IL1RAPL1: variants seen among roughly 807,000 people sequenced by gnomAD.
IL1RAPL1 encodes the protein interleukin 1 receptor accessory protein like 1.
A neutral mutation model predicts 48.4 loss-of-function variants in IL1RAPL1; 3 were observed. The ratio of observed to expected loss-of-function variants is 0.06; its 90% CI spans 0.03 to 0.16. The LOEUF (loss-of-function observed/expected upper bound fraction) is 0.16. Ranked by LOEUF, IL1RAPL1 falls within the 10% of genes least tolerant of loss-of-function variation. The pLI is 1.00. For synonymous variants in IL1RAPL1, 185 were observed against 187.7 expected, an observed-to-expected ratio of 0.99 and a Z score of 0.12; for missense variants, 349 against 530.6, an observed-to-expected ratio of 0.66 and a Z score of 3.36.
chrX:29,221,133 GTA>G (rs1930966587), intron 2 of IL1RAPL1, among the ~76,000 whole-genome samples: 1 of 111,366 alleles, frequency 9.0e-6, no homozygotes, highest in Admixed American at 9.6e-5. Flanking sequence ...CGGCCTTAGT[GTA>G]TATCTGTTTC....
At chrX:28,591,082 A>G (rs1342618890) in intron 1 of IL1RAPL1, among the ~76,000 whole-genome samples, 3 of 112,073 alleles carry the variant, frequency 2.7e-5, no homozygotes, top group Admixed American at 9.5e-5. Context: ...GCAGTGGGTA[A>G]TTTGAAATGT....
intron 2 of IL1RAPL1, among the ~76,000 whole-genome samples, chrX:29,276,419 T>C (rs974365128): frequency 8.9e-6 from 1 of 112,287 alleles, no homozygotes; most frequent in Non-Finnish European, 1.9e-5. Context: ...TTATTCTGAG[T>C]TAGAAAATTG....
intron 2 of IL1RAPL1, among the ~76,000 whole-genome samples, chrX:28,866,060 C>A (rs917005895): frequency 8.9e-6 from 1 of 111,982 alleles, no homozygotes; most frequent in African/African-American, 3.2e-5. Flanking sequence ...TGACTAAAGA[C>A]ACGGGACTTA....
chrX:28,987,784 C>A lies in IL1RAPL1; in HGVS notation c.82+198359C>A, dbSNP rs73208082. ...TAATTTCACCAAATATGTGAATTGA[C>A]TTTGTCAGTCATTAAAGTAAGTGTG... On this transcript the variant is annotated intron_variant, in intron 2 of 10. Coordinates refer to ENST00000378993, the MANE Select transcript of IL1RAPL1 (RefSeq NM_014271.4). Among the ~76,000 whole-genome samples, 484 of 111,911 alleles carry A rather than the reference C, an allele frequency of 4.3e-3. 2 individuals are homozygous for A. The highest frequency in any genetic ancestry group is 0.032 in the Middle Eastern group (7 of 216).
At chrX:28,629,604 G>T (rs1934377601) in intron 1 of IL1RAPL1, among the ~76,000 whole-genome samples, 1 of 112,174 alleles carries the variant, frequency 8.9e-6, no homozygotes, top group South Asian at 3.7e-4. Context: ...TCTCTAAATA[G>T]GTAGGATAGT....
At chrX:29,500,500 C>T (rs1302632452) in intron 5 of IL1RAPL1, among the ~76,000 whole-genome samples, 4 of 111,263 alleles carry the variant, frequency 3.6e-5, no homozygotes, top group Admixed American at 1.9e-4. Context: ...TTTTCAGCTC[C>T]CACATATGAA....
rs746787632 is a variant in IL1RAPL1 at position 29,087,030 on chromosome X, A to T, written c.83-195908A>T. Among the ~76,000 whole-genome samples, 3 of 111,507 alleles carry T rather than the reference A, an allele frequency of 2.7e-5. No individual in the cohort carries two copies. The East Asian group carries it at 8.4e-4, about 31-fold the overall frequency. On this transcript the variant is annotated intron_variant, in intron 2 of 10. Coordinates refer to ENST00000378993, the MANE Select transcript of IL1RAPL1 (RefSeq NM_014271.4). ...CAGAATTGTCAGGCAGAAATAGTTAACCTCTGAATCTGTGCTCTGTCTCCA... is the reference window on the plus strand; with the variant it reads ...CAGAATTGTCAGGCAGAAATAGTTATCCTCTGAATCTGTGCTCTGTCTCCA...
intron 5 of IL1RAPL1, among the ~76,000 whole-genome samples, chrX:29,662,159 ACT>A (rs1406021684): frequency 9.0e-6 from 1 of 110,957 alleles, no homozygotes; most frequent in African/African-American, 3.3e-5. Context: ...ATTCATTGTC[ACT>A]CTTTTTTTAC....
At chrX:29,825,886 A>G (rs1930726354) in intron 6 of IL1RAPL1, among the ~76,000 whole-genome samples, 2 of 111,141 alleles carry the variant, frequency 1.8e-5, no homozygotes, top group South Asian at 7.9e-4. Context: ...AACAGGCCAG[A>G]TTTGGACTGC....
At chrX:29,821,511 G>A (rs955929759) in intron 6 of IL1RAPL1, among the ~76,000 whole-genome samples, 1 of 111,481 alleles carries the variant, frequency 9.0e-6, no homozygotes, top group Non-Finnish European at 1.9e-5. Context: ...AACAGATTTT[G>A]AAGTTACATC....
intron 1 of IL1RAPL1, among the ~76,000 whole-genome samples, chrX:28,624,370 T>C (rs1400466339): frequency 8.9e-6 from 1 of 111,796 alleles, no homozygotes; most frequent in Non-Finnish European, 1.9e-5. Context: ...GAAATCCTGC[T>C]GTATTTTAGC....
At chrX:29,403,123 T>C (rs1934015358) in intron 5 of IL1RAPL1, among the ~76,000 whole-genome samples, 1 of 112,351 alleles carries the variant, frequency 8.9e-6, no homozygotes, top group African/African-American at 3.2e-5. Flanking sequence ...AATGTCCACA[T>C]ATTTTGTGTG....
chrX:29,205,767 C>T (rs1442273258), intron 2 of IL1RAPL1, among the ~76,000 whole-genome samples: 1 of 109,595 alleles, frequency 9.1e-6, no homozygotes, highest in African/African-American at 3.3e-5. Flanking sequence ...TGGAGTCTCA[C>T]TCTGTCGCCC....
At chrX:29,940,569 C>T (rs1933110566) in intron 8 of IL1RAPL1, among the ~76,000 whole-genome samples, 1 of 111,996 alleles carries the variant, frequency 8.9e-6, no homozygotes, top group African/African-American at 3.2e-5. Context: ...AATGGCTACC[C>T]ATCAGTAACA....
chrX:29,406,354 A>G (rs1299821918), intron 5 of IL1RAPL1, among the ~76,000 whole-genome samples: 1 of 108,189 alleles, frequency 9.2e-6, no homozygotes, highest in Non-Finnish European at 1.9e-5. Flanking sequence ...GCGACACTGC[A>G]CTCCAGACTG....
chrX:29,752,957 A>T (rs1186637814), intron 6 of IL1RAPL1, among the ~76,000 whole-genome samples: 1 of 112,135 alleles, frequency 8.9e-6, no homozygotes, highest in Non-Finnish European at 1.9e-5. Flanking sequence ...AGCATCATTA[A>T]TCTATTCCTT....
chrX:29,352,676 C>T (rs1331313472), intron 3 of IL1RAPL1, among the ~76,000 whole-genome samples: 1 of 100,685 alleles, frequency 9.9e-6, no homozygotes, highest in Non-Finnish European at 2.0e-5. Flanking sequence ...ACTGGAATGT[C>T]CAGGATCAGT....
At chrX:29,473,016 G>A (rs771415723) in intron 5 of IL1RAPL1, among the ~76,000 whole-genome samples, 5 of 111,350 alleles carry the variant, frequency 4.5e-5, no homozygotes, top group African/African-American at 1.6e-4. Flanking sequence ...CACAGACTGG[G>A]TGGCTTCAAC....
chrX:29,408,946 G>T (rs1238516767), intron 5 of IL1RAPL1, among the ~76,000 whole-genome samples: 1 of 112,155 alleles, frequency 8.9e-6, no homozygotes, highest in East Asian at 2.8e-4. Flanking sequence ...TATTTTAAGT[G>T]CAACGGAAAC....
Sources: allele counts gnomAD v4.1 joint callset (sites outside exome capture counted in the v4.1 genomes callset), GRCh38; gene constraint gnomAD v4.1.1; transcripts MANE v1.5; gene names NCBI Gene and HGNC (gene_info 2026-07-23, HGNC 2026-07-21).